KRR1: variants seen among roughly 807,000 people sequenced by gnomAD.
The protein encoded by KRR1 is KRR1 small subunit processome component.
Under a neutral mutation model 50.0 loss-of-function variants are expected in KRR1, and 23 were observed. The ratio of observed to expected loss-of-function variants is 0.46; its 90% CI spans 0.33 to 0.65. The LOEUF (loss-of-function observed/expected upper bound fraction) is 0.65. KRR1 is among the 30% of genes least tolerant of loss of function. The pLI is 0.02. For synonymous variants in KRR1, 133 were observed against 146.3 expected (o/e 0.91, Z 0.66); for missense variants, 419 against 442.4 (o/e 0.95, Z 0.47).
Position 75,495,997 on chromosome 12 carries a change from G to GTTTTTTTTTTT in KRR1, c.*3801_*3811dup, listed in dbSNP as rs370713345. The GTTTTTTTTTTT allele has an allele frequency of 7.6e-6, 1 of 132,126 alleles. No homozygotes were observed. The highest frequency in any genetic ancestry group is 3.0e-5 in the African/African-American group (1 of 33,626). The allele number at this position is 132,126 out of a possible 1,614,324, so 8.2% of individuals were successfully genotyped here. ...TCCAAACAAACAGAATTCTGTTTTC[G>GTTTTTTTTTTT]TTTTTTTTTTTGTTTTTTTTTTTTG... is the stretch of plus-strand genomic sequence containing the variant. On this transcript the variant is annotated 3_prime_UTR_variant, in exon 10 of 10. Transcript: ENST00000229214.
intron 5 of KRR1, among the ~76,000 whole-genome samples, 176 bp from the exon 6 acceptor site, chr12:75,505,430 T>A (rs1350100246): frequency 6.6e-6 from 1 of 151,990 alleles, no homozygotes; most frequent in Non-Finnish European, 1.5e-5. Context: ...AGGCAGTCAA[T>A]CTCCCTTGAA....
rs2046345700 is a variant in KRR1, at chr12:75,495,619, C to T, written c.*4190G>A. The T allele has an allele frequency of 6.2e-7, 1 of 1,611,190 alleles. No homozygotes were observed. Among genetic ancestry groups the T allele is most frequent in the Non-Finnish European group, 8.5e-7 (1 of 1,177,444 alleles). ...GGCCATATAAGAGAGGAGCCACCTGCAGTGCCTGCCCCAATAATGACAAGT... is the reference window on the plus strand; with the variant it reads ...GGCCATATAAGAGAGGAGCCACCTGTAGTGCCTGCCCCAATAATGACAAGT... On this transcript the variant is annotated 3_prime_UTR_variant, in exon 10 of 10. Transcript: ENST00000229214.
Position 75,499,580 on chromosome 12 carries a change from T to G in KRR1, c.*229A>C. 3.9e-6 allele frequency: 1 copy of G among 257,088 alleles called. No homozygotes were observed. The highest frequency in any genetic ancestry group is 7.2e-6 in the Non-Finnish European group (1 of 139,686). The allele number at this position is 257,088 out of a possible 1,614,324, so 15.9% of individuals were successfully genotyped here. The stretch of plus-strand genomic sequence containing the variant: ...ATCAGACACTGGATTTAATGGATAA[T>G]CACAATGGTCGTAATGTATACAAAG... On this transcript the variant is annotated 3_prime_UTR_variant, in exon 10 of 10. Coordinates refer to ENST00000229214, the MANE Select transcript of KRR1 (RefSeq NM_007043.7).
rs935207984 is a variant in KRR1, at chr12:75,491,615, C to T, written c.*8194G>A. The T allele has an allele frequency of 6.6e-6, 1 of 152,012 alleles. No individual in the cohort carries two copies. The highest frequency in any genetic ancestry group is 2.4e-5 in the African/African-American group (1 of 41,382). The allele number at this position is 152,012 out of a possible 1,614,324, so 9.4% of individuals were successfully genotyped here. A position where few individuals can be genotyped will look rare whatever the true frequency, so the allele number is the denominator to read the frequency against. On this transcript the variant is annotated 3_prime_UTR_variant, in exon 10 of 10. Coordinates refer to ENST00000229214, the MANE Select transcript of KRR1 (RefSeq NM_007043.7). ...ATCAATTTGTATTTCACCATCAGTA[C>T]TAGGTATTATAATTTCTTAGTATTT...
chr12:75,499,613 T>TACC lies in KRR1; in HGVS notation c.*193_*195dup, dbSNP rs2046376389. 1.5e-5 allele frequency: 5 copies of TACC among 334,318 alleles called. No individual in the cohort carries two copies. The Admixed American group carries it at 1.8e-4, about 12-fold the overall frequency. The allele number at this position is 334,318 out of a possible 1,614,324, so 20.7% of individuals were successfully genotyped here. A position where few individuals can be genotyped will look rare whatever the true frequency, so the allele number is the denominator to read the frequency against. On this transcript the variant is annotated 3_prime_UTR_variant, in exon 10 of 10. Coordinates refer to ENST00000229214, the MANE Select transcript of KRR1 (RefSeq NM_007043.7). Reference sequence around the variant, plus strand: ...GTCGTAATGTATACAAAGACTTATATACCACTTTCTCGTATAAATTTTTCA... The same window carrying TACC: ...GTCGTAATGTATACAAAGACTTATATACCACCACTTTCTCGTATAAATTTTTCA...
At chr12:75,501,525 G>T in intron 9 of KRR1, 198 bp downstream of exon 9, 1 of 545,346 alleles carries the variant, frequency 1.8e-6, no homozygotes, top group Non-Finnish European at 3.2e-6. Context: ...TGTCAATCCA[G>T]TTTGCACTGA....
chr12:75,498,138 T>TA lies in KRR1; in HGVS notation c.*1670dup, dbSNP rs1407499319. The stretch of plus-strand genomic sequence containing the variant: ...TTATAAAAGAAAGTATCCAGAAGGC[T>TA]AAAGGCAGTTGTGGAATTTATTTCT... On this transcript the variant is annotated 3_prime_UTR_variant, in exon 10 of 10. Coordinates refer to ENST00000229214, the MANE Select transcript of KRR1 (RefSeq NM_007043.7). The TA allele has an allele frequency of 2.0e-5, 3 of 152,540 alleles. No individual in the cohort carries two copies. The highest frequency in any genetic ancestry group is 1.3e-4 in the Admixed American group (2 of 15,280). 9.4% of individuals were successfully genotyped at this position (152,540 alleles called of 1,614,324 possible).
chr12:75,506,092 A>G, intron 5 of KRR1: 1 of 383,486 alleles, frequency 2.6e-6, no homozygotes, highest in Non-Finnish European at 4.7e-6. Context: ...AGACCATCTA[A>G]TTCAGAAATG....
chr12:75,495,850 G>A lies in KRR1; in HGVS notation c.*3959C>T, dbSNP rs1186551172. 6.3e-5 allele frequency: 26 copies of A among 412,586 alleles called. No homozygotes were observed. The highest frequency in any genetic ancestry group is 7.9e-5 in the Non-Finnish European group (18 of 226,806). 25.6% of individuals were successfully genotyped at this position (412,586 alleles called of 1,614,324 possible). On this transcript the variant is annotated 3_prime_UTR_variant, in exon 10 of 10. Transcript: ENST00000229214. ...AGAGAAATTTAAATGTGAAAATCAC[G>A]TTCTTTTTATTTAGTTCTAATTGGT...
At chr12:75,503,606 G>C (rs2046408737) in intron 7 of KRR1, 2 of 208,572 alleles carry the variant, frequency 9.6e-6, no homozygotes, top group African/African-American at 4.6e-5. Context: ...TGCCAAATCA[G>C]AGAAAAGAGT....
chr12:75,506,933 C>A lies in KRR1; in HGVS notation c.259-17G>T. ...ATTAACATGCTACAGAAGGAAAGAG[C>A]AAACAAGCAGTTGTCTAAAAATGAG... is the stretch of plus-strand genomic sequence containing the variant. On this transcript the variant is annotated splice_polypyrimidine_tract_variant and intron_variant, in intron 2 of 9. Coordinates refer to ENST00000229214, the MANE Select transcript of KRR1 (RefSeq NM_007043.7). The A allele has an allele frequency of 6.4e-7, 1 of 1,567,996 alleles. No homozygotes were observed. The highest frequency in any genetic ancestry group is 8.6e-7 in the Non-Finnish European group (1 of 1,164,784).
chr12:75,498,199 T>G lies in KRR1; in HGVS notation c.*1610A>C, dbSNP rs980086302. 6.6e-6 allele frequency: 1 copy of G among 152,320 alleles called. No individual in the cohort carries two copies. The highest frequency in any genetic ancestry group is 1.9e-4 in the East Asian group (1 of 5,198). 9.4% of individuals were successfully genotyped at this position (152,320 alleles called of 1,614,324 possible). ...CTGATTGTCAAAATTTGAATAAAGC[T>G]CAGTGAAAGGAGGACAGTAATTAAT... On this transcript the variant is annotated 3_prime_UTR_variant, in exon 10 of 10. Coordinates refer to ENST00000229214, the MANE Select transcript of KRR1 (RefSeq NM_007043.7).
Position 75,501,946 on chromosome 12 carries a change from GCTT to G in KRR1, c.883_885del (p.Lys295del). 2 of 1,612,282 alleles carry G rather than the reference GCTT, an allele frequency of 1.2e-6. No individual in the cohort carries two copies. Among genetic ancestry groups the G allele is most frequent in the African/African-American group, 1.3e-5 (1 of 74,862 alleles). ...ACCTTTATTGCTTCCATTTTCTGCC[GCTT>G]CTTCTGATTTGCCTTCAAAAAGTAT... On this transcript the variant is annotated inframe_deletion, in exon 8 of 10. Coordinates refer to ENST00000229214, the MANE Select transcript of KRR1 (RefSeq NM_007043.7).
At position 75,511,584 on chromosome 12, in the gene KRR1, G is replaced by A. The variant is rs1309560214; in HGVS notation, c.14C>T (p.Ser5Leu). The change falls in exon 1 of 10, where the codon TCG becomes TTG. Residue 5 changes from serine to leucine, a missense_variant. Coordinates refer to ENST00000229214, the MANE Select transcript of KRR1 (RefSeq NM_007043.7). Reference sequence around the variant, plus strand: ...AGCGCCTTTTTCTGGCCGCTCCAGCGAGGGAGACGCCATTTGCAAGCTGCT... The same window carrying A: ...AGCGCCTTTTTCTGGCCGCTCCAGCAAGGGAGACGCCATTTGCAAGCTGCT... MASP[S>L]LERPEKGAGK... 5.6e-6 allele frequency: 9 copies of A among 1,613,944 alleles called. No homozygotes were observed. Among genetic ancestry groups the A allele is most frequent in the South Asian group, 4.4e-5 (4 of 91,086 alleles).
intron 7 of KRR1, chr12:75,503,626 T>C (rs2046408854): frequency 8.0e-6 from 2 of 249,906 alleles, no homozygotes; most frequent in Non-Finnish European, 7.6e-6. Flanking sequence ...TATTGCAGAC[T>C]AAACGAACTT....
Position 75,501,720 on chromosome 12 carries a change from T to C in KRR1, c.1003+3A>G. The stretch of plus-strand genomic sequence containing the variant: ...AAGACTTTTACATCATAGAAAGCAT[T>C]ACCTTCCTTAGGTTTCACAATTGGT... On this transcript the variant is annotated splice_donor_region_variant and intron_variant, in intron 9 of 9. Coordinates refer to ENST00000229214, the MANE Select transcript of KRR1 (RefSeq NM_007043.7). The C allele has an allele frequency of 1.3e-6, 2 of 1,581,412 alleles. No individual in the cohort carries two copies. The highest frequency in any genetic ancestry group is 1.7e-6 in the Non-Finnish European group (2 of 1,156,368).
chr12:75,502,199 A>G, intron 7 of KRR1, 199 bp from the exon 8 acceptor site: 1 of 539,314 alleles, frequency 1.9e-6, no homozygotes, highest in Non-Finnish European at 3.3e-6. Context: ...AAGCACCTCC[A>G]TGGAATACAA....
In KRR1 at chr12:75,490,947, C is replaced by T. The variant is rs1490795327; in HGVS notation, c.*8862G>A. The T allele has an allele frequency of 6.5e-6, 1 of 154,106 alleles. No individual in the cohort carries two copies. Among genetic ancestry groups the T allele is most frequent in the Non-Finnish European group, 1.4e-5 (1 of 69,276 alleles). 9.5% of individuals were successfully genotyped at this position (154,106 alleles called of 1,614,324 possible). ...ATTCCTCAACTTATATAACCTATTT[C>T]ATTTACTTTTGACAGTTGTTTTTAA... On this transcript the variant is annotated 3_prime_UTR_variant, in exon 10 of 10. Coordinates refer to ENST00000229214, the MANE Select transcript of KRR1 (RefSeq NM_007043.7).
chr12:75,500,586 C>A (rs2046386346), intron 9 of KRR1: 1 of 151,898 alleles, frequency 6.6e-6, no homozygotes, highest in Non-Finnish European at 1.5e-5. Flanking sequence ...TATTTAACAA[C>A]ATTTTGGTAA....
Sources: allele counts gnomAD v4.1 joint callset (sites outside exome capture counted in the v4.1 genomes callset), GRCh38; gene constraint gnomAD v4.1.1; transcripts MANE v1.5; gene names NCBI Gene and HGNC (gene_info 2026-07-23, HGNC 2026-07-21).